Variants in GREB1L observed in about 807,000 individuals in gnomAD.
The protein encoded by GREB1L is GREB1 like retinoic acid receptor coactivator, also known as GREB1-like protein.
GREB1L carries 17 observed loss-of-function variants against 200.8 expected under a neutral mutation model. That is an observed-to-expected ratio of 0.08 (90% CI 0.06 to 0.13). The LOEUF is 0.13. Ranked by LOEUF, GREB1L falls within the 10% of genes least tolerant of loss-of-function variation. GREB1L has a pLI of 1.00. For synonymous variants in GREB1L, 789 were observed against 893.0 expected, an observed-to-expected ratio of 0.88 and a Z score of 2.08; for missense variants, 1,657 against 2,367.7, an observed-to-expected ratio of 0.70 and a Z score of 6.23.
At chr18:21,316,309 G>A (rs1473680800) in intron 1 of GREB1L, among the ~76,000 whole-genome samples, 3 of 152,130 alleles carry the variant, frequency 2.0e-5, no homozygotes, top group Non-Finnish European at 2.9e-5. Flanking sequence ...CAAAAGTAGG[G>A]CATGAGCAAT....
intron 1 of GREB1L, among the ~76,000 whole-genome samples, chr18:21,334,172 A>T (rs2039150029): frequency 6.6e-6 from 1 of 152,160 alleles, no homozygotes; most frequent in South Asian, 2.1e-4. Context: ...AATGTTAGTA[A>T]GTTTTGCAGT....
intron 27 of GREB1L, among the ~76,000 whole-genome samples, chr18:21,510,683 A>T (rs986682799): frequency 2.0e-5 from 3 of 151,822 alleles, no homozygotes; most frequent in Non-Finnish European, 4.4e-5. Flanking sequence ...CCTTATTTCA[A>T]CTCTTCTGGG....
chr18:21,338,656 C>T (rs910284022), intron 1 of GREB1L, among the ~76,000 whole-genome samples: 9 of 152,220 alleles, frequency 5.9e-5, no homozygotes, highest in African/African-American at 1.9e-4. Flanking sequence ...TCACTTGTTT[C>T]TCCATGCTGT....
At chr18:21,468,898 T>G (rs2035372467) in intron 15 of GREB1L, 2 of 419,836 alleles carry the variant, frequency 4.8e-6, no homozygotes, top group South Asian at 3.4e-5. Context: ...TTTGAGTTTT[T>G]GGCAAGAAAA....
At chr18:21,418,224 G>A (rs1254804137) in intron 7 of GREB1L, among the ~76,000 whole-genome samples, 2 of 152,010 alleles carry the variant, frequency 1.3e-5, no homozygotes, top group Non-Finnish European at 2.9e-5. Context: ...CATCACCTGA[G>A]GTTTTACAGT....
rs751398979 is a variant in GREB1L at position 21,522,745 on chromosome 18, G to A, written c.5696G>A (p.Arg1899His). 3.4e-5 allele frequency: 53 copies of A among 1,551,632 alleles called. No individual in the cohort carries two copies. Among genetic ancestry groups the A allele is most frequent in the Non-Finnish European group, 4.4e-5 (50 of 1,146,938 alleles). ...RLELEDEWQF[R>H]LRDEFQTANS... ...GAGCTAGAAGATGAGTGGCAGTTCC[G>A]CCTCCGGGACGAGTTTCAAACTGCT... The change falls in exon 33 of 33, where the codon CGC (arginine) becomes CAC (histidine). Residue 1899 changes from arginine (R) to histidine (H), a missense_variant. By Grantham distance (29) the Arg-to-His change is conservative. Around this residue, in one of 9 missense-constraint regions of GREB1L, gnomAD observed 190 missense variants for 230.2 expected, o/e 0.83. Coordinates refer to ENST00000424526, the MANE Select transcript of GREB1L (RefSeq NM_001142966.3).
chr18:21,467,048 T>G (rs2035286625), intron 15 of GREB1L, among the ~76,000 whole-genome samples: 2 of 152,138 alleles, frequency 1.3e-5, no homozygotes, highest in South Asian at 4.1e-4. Context: ...CAACTGAATA[T>G]CCACATGCAA....
chr18:21,460,204 C>T (rs1391269992), intron 15 of GREB1L, among the ~76,000 whole-genome samples: 5 of 152,098 alleles, frequency 3.3e-5, no homozygotes, highest in Non-Finnish European at 5.9e-5. Context: ...GATGCAGTTT[C>T]GCTCTTGTGG....
intron 15 of GREB1L, among the ~76,000 whole-genome samples, chr18:21,458,367 G>A (rs1261463935): frequency 6.6e-6 from 1 of 152,132 alleles, no homozygotes; most frequent in Admixed American, 6.6e-5. Flanking sequence ...TTGAATGGAG[G>A]GCTAGAAGGA....
chr18:21,393,610 T>A (rs1220987450), intron 4 of GREB1L, among the ~76,000 whole-genome samples: 1 of 152,208 alleles, frequency 6.6e-6, no homozygotes, highest in Admixed American at 6.5e-5. Flanking sequence ...TTTGTATCTT[T>A]AGTAGAGACG....
intron 1 of GREB1L, among the ~76,000 whole-genome samples, chr18:21,275,765 C>A (rs961383682): frequency 7.2e-5 from 11 of 152,198 alleles, no homozygotes; most frequent in Admixed American, 7.2e-4. Context: ...CAAACTCATC[C>A]TAGACCAAAT....
chr18:21,380,846 A>G (rs541193503), intron 2 of GREB1L, among the ~76,000 whole-genome samples: 49 of 152,296 alleles, frequency 3.2e-4, no homozygotes, highest in Middle Eastern at 6.8e-3. Context: ...CACACCTGTA[A>G]TCCCAGCACT....
At chr18:21,495,937 C>A (rs1029388919) in intron 20 of GREB1L, among the ~76,000 whole-genome samples, 152 bp downstream of exon 20, 12 of 152,098 alleles carry the variant, frequency 7.9e-5, no homozygotes, top group African/African-American at 2.7e-4. Flanking sequence ...AGCCATACAA[C>A]CTTCTTTTAT....
At chr18:21,257,372 G>A (rs2037817637) in intron 1 of GREB1L, among the ~76,000 whole-genome samples, 1 of 151,894 alleles carries the variant, frequency 6.6e-6, no homozygotes, top group Admixed American at 6.6e-5. Flanking sequence ...TCCCCCCCTT[G>A]TTCATTTTAA....
intron 1 of GREB1L, among the ~76,000 whole-genome samples, chr18:21,276,635 C>T (rs1458765967): frequency 6.6e-6 from 1 of 152,176 alleles, no homozygotes; most frequent in African/African-American, 2.4e-5. Flanking sequence ...AACCTTGTCT[C>T]ATTCCTCAGA....
chr18:21,288,342 C>T (rs752320360), intron 1 of GREB1L, among the ~76,000 whole-genome samples: 8 of 152,116 alleles, frequency 5.3e-5, no homozygotes, highest in Non-Finnish European at 1.0e-4. Context: ...GCTGGTCCCT[C>T]ATTTCTGGTG....
intron 4 of GREB1L, among the ~76,000 whole-genome samples, chr18:21,387,264 AC>A (rs1183431797): frequency 3.9e-5 from 6 of 152,160 alleles, no homozygotes; most frequent in Admixed American, 3.9e-4. Context: ...TTACTCTGTA[AC>A]CTTCAAGTTG....
chr18:21,416,993 C>T (rs900934504), intron 7 of GREB1L, among the ~76,000 whole-genome samples: 1 of 151,916 alleles, frequency 6.6e-6, no homozygotes, highest in Non-Finnish European at 1.5e-5. Context: ...GTACTCCAGC[C>T]TGGGAGACAC....
chr18:21,453,214 A>G (rs2034607632), intron 14 of GREB1L, among the ~76,000 whole-genome samples: 1 of 152,194 alleles, frequency 6.6e-6, no homozygotes, highest in East Asian at 1.9e-4. Context: ...TAAAAGACAG[A>G]TATATTTTGA....
Sources: gnomAD v4.1 joint callset for allele counts (sites outside exome capture counted in the v4.1 genomes callset) on GRCh38, gnomAD v4.1.1 for gene constraint, gnomAD v4.1.1 regional missense constraint, MANE v1.5 for transcripts, NCBI Gene and HGNC (gene_info 2026-07-23, HGNC 2026-07-21) for gene names.